The following AP4S1 variants were observed in gnomAD, a reference collection of about 807,000 sequenced individuals.
The protein encoded by AP4S1 is AP-4 complex subunit sigma-1.
Under a neutral mutation model 19.8 loss-of-function variants are expected in AP4S1, and 23 were observed. The observed-to-expected ratio is 1.16, with a 90% CI of 0.84 to 1.65. AP4S1 has a LOEUF of 1.65. Ranked by LOEUF, AP4S1 falls within the 40% of genes most tolerant of loss-of-function variation. AP4S1 has a pLI of 0.00. For missense variants in AP4S1, 166 were observed against 172.8 expected (o/e 0.96, Z 0.22); for synonymous variants, 46 against 54.1 (o/e 0.85, Z 0.66).
At chr14:31,041,830 C>G (rs1237235493) in intron 1 of AP4S1, among the ~76,000 whole-genome samples, 1 of 151,920 alleles carries the variant, frequency 6.6e-6, no homozygotes, top group Non-Finnish European at 1.5e-5. Flanking sequence ...ATTTAATTCC[C>G]TATTTTAACA....
At chr14:31,025,964 G>C (rs527517871) in intron 1 of AP4S1, 177 bp downstream of exon 1, 2 of 1,588,498 alleles carry the variant, frequency 1.3e-6, no homozygotes, top group Admixed American at 1.8e-5. Context: ...GAGCCCACTC[G>C]TGCTGGATGT....
rs778878068 is a variant in AP4S1, at chr14:31,092,907, A to G, written c.307A>G (p.Ile103Val). ...ACTAATTTCCTTAATATAACCGTAGATAATGTTTAATTTGGATAAAGTACA... is the reference window on the plus strand; with the variant it reads ...ACTAATTTCCTTAATATAACCGTAGGTAATGTTTAATTTGGATAAAGTACA... ...EYFSRVSELD[I>V]MFNLDKVHII... Residue 103 changes from isoleucine to valine, a missense_variant and splice_region_variant, in exon 6 of 6, where the codon ATA becomes GTA. Coordinates refer to ENST00000542754, the MANE Select transcript of AP4S1 (RefSeq NM_001128126.3). 9.2e-6 allele frequency: 14 copies of G among 1,518,382 alleles called. No individual in the cohort carries two copies. Among genetic ancestry groups the G allele is most frequent in the Non-Finnish European group, 1.2e-5 (14 of 1,130,972 alleles). 94.1% of individuals were successfully genotyped at this position (1,518,382 alleles called of 1,614,324 possible).
intron 5 of AP4S1, among the ~76,000 whole-genome samples, chr14:31,087,626 A>AC (rs1887955947): frequency 6.6e-6 from 1 of 152,236 alleles, no homozygotes; most frequent in Non-Finnish European, 1.5e-5. Context: ...AAGTGTTGGG[A>AC]TTACAGGTGT....
intron 5 of AP4S1, among the ~76,000 whole-genome samples, chr14:31,088,711 G>A (rs1271437869): frequency 6.6e-6 from 1 of 151,710 alleles, no homozygotes; most frequent in African/African-American, 2.4e-5. Flanking sequence ...AGGAGGCTGA[G>A]GCGGGAGGAT....
At chr14:31,083,917 A>G (rs1435594902) in intron 5 of AP4S1, among the ~76,000 whole-genome samples, 2 of 152,196 alleles carry the variant, frequency 1.3e-5, no homozygotes, top group African/African-American at 4.8e-5. Flanking sequence ...TACACAGCAG[A>G]AAGATGAGGG....
intron 5 of AP4S1, among the ~76,000 whole-genome samples, chr14:31,086,723 G>A (rs755436598): frequency 1.3e-5 from 2 of 152,114 alleles, no homozygotes; most frequent in Non-Finnish European, 2.9e-5. Flanking sequence ...GCCAGGAATG[G>A]CTTGATATTA....
In AP4S1 at chr14:31,026,037, C is replaced by G. The variant is rs1358900789; in HGVS notation, c.-72+250C>G. The G allele has an allele frequency of 5.9e-6, 9 of 1,537,234 alleles. No individual in the cohort carries two copies. The African/African-American group carries it at 7.0e-5, about 12-fold the overall frequency. ...GGACAGCTCGGGGCCTGCCGCGGGA[C>G]CCGCTCCCTCGGAGGCCGGAGGACC... On this transcript the variant is annotated intron_variant, in intron 1 of 5. Transcript: ENST00000542754.
rs1310210810 is a variant in AP4S1 at position 31,066,248 on chromosome 14, A to G, written c.52A>G (p.Lys18Glu). ...VNKQGQTRLSKYYEHVDINKR... is the reference protein window; with the variant it reads ...VNKQGQTRLSEYYEHVDINKR... Reference sequence around the variant, plus strand: ...TAAACAAGGGCAGACTCGACTTTCTAAGTACTATGAACATGTGGATATTAA... The same window carrying G: ...TAAACAAGGGCAGACTCGACTTTCTGAGTACTATGAACATGTGGATATTAA... The change falls in exon 2 of 6, where the codon AAG becomes GAG. Residue 18 changes from lysine (K) to glutamate (E), a missense_variant. By Grantham distance (56) the Lys-to-Glu change is moderately conservative. Transcript: ENST00000542754. 1.2e-6 allele frequency: 2 copies of G among 1,614,014 alleles called. No individual in the cohort carries two copies. The highest frequency in any genetic ancestry group is 3.3e-5 in the Admixed American group (2 of 60,014).
intron 1 of AP4S1, among the ~76,000 whole-genome samples, chr14:31,029,026 C>T (rs1220472872): frequency 2.0e-5 from 3 of 152,086 alleles, no homozygotes; most frequent in Non-Finnish European, 2.9e-5. Context: ...TGTCTCCTCA[C>T]CTACCCTCAA....
intron 4 of AP4S1, among the ~76,000 whole-genome samples, chr14:31,073,460 A>T (rs192362058): frequency 0.015 from 2,156 of 146,200 alleles, 52 homozygotes; most frequent in African/African-American, 0.05. Flanking sequence ...ACTGCACTCC[A>T]GCCTGGGCAA....
At chr14:31,070,829 G>A (rs1196955998) in intron 3 of AP4S1, among the ~76,000 whole-genome samples, 1 of 152,174 alleles carries the variant, frequency 6.6e-6, no homozygotes, top group Non-Finnish European at 1.5e-5. Context: ...GAGGTGGGCA[G>A]ATCATGAGGT....
chr14:31,084,729 T>G, intron 5 of AP4S1: 1 of 1,613,552 alleles, frequency 6.2e-7, no homozygotes, highest in Non-Finnish European at 8.5e-7. Context: ...GTAGATTTAT[T>G]TAAGACTTCA....
At chr14:31,045,094 G>T (rs919502875) in intron 1 of AP4S1, among the ~76,000 whole-genome samples, 6 of 151,924 alleles carry the variant, frequency 3.9e-5, no homozygotes, top group African/African-American at 1.5e-4. Flanking sequence ...TAGAGACGGG[G>T]TTTCACTATG....
intron 1 of AP4S1, among the ~76,000 whole-genome samples, chr14:31,061,886 C>T (rs371741109): frequency 1.4e-3 from 218 of 152,046 alleles, no homozygotes; most frequent in African/African-American, 4.9e-3. Context: ...ATGATCCGCC[C>T]GCCTCGGCCT....
chr14:31,026,412 G>A (rs1883949330), intron 1 of AP4S1: 1 of 439,430 alleles, frequency 2.3e-6, no homozygotes, highest in Non-Finnish European at 4.0e-6. Context: ...AGGGGAAGGG[G>A]GGGCCTCGGC....
chr14:31,058,626 G>A (rs1886265864), intron 1 of AP4S1, among the ~76,000 whole-genome samples: 1 of 151,336 alleles, frequency 6.6e-6, no homozygotes, highest in African/African-American at 2.4e-5. Context: ...GGAGTGCAGT[G>A]TTGTGATCAT....
chr14:31,047,139 T>C (rs1462712794), intron 1 of AP4S1, among the ~76,000 whole-genome samples: 1 of 152,192 alleles, frequency 6.6e-6, no homozygotes, highest in African/African-American at 2.4e-5. Flanking sequence ...TTATTTGTCA[T>C]TCATATATCC....
At chr14:31,072,586 G>A (rs886438336) in intron 3 of AP4S1, among the ~76,000 whole-genome samples, 6 of 151,980 alleles carry the variant, frequency 3.9e-5, no homozygotes, top group African/African-American at 1.5e-4. Flanking sequence ...GCCTAGGCTG[G>A]TCCTGAACTC....
At chr14:31,049,064 C>G (rs1273929695) in intron 1 of AP4S1, among the ~76,000 whole-genome samples, 3 of 151,528 alleles carry the variant, frequency 2.0e-5, no homozygotes, top group African/African-American at 7.3e-5. Flanking sequence ...GCCTGGCCAA[C>G]ATGGTGAAAC....
Sources: gnomAD v4.1 joint callset for allele counts (sites outside exome capture counted in the v4.1 genomes callset) on GRCh38, gnomAD v4.1.1 for gene constraint, MANE v1.5 for transcripts, NCBI Gene and HGNC (gene_info 2026-07-23, HGNC 2026-07-21) for gene names.